The following SLMAP variants were observed in gnomAD, a reference collection of about 807,000 sequenced individuals.
SLMAP encodes the protein sarcolemma associated protein.
In SLMAP, 44 loss-of-function variants were observed where a neutral mutation model predicts 128.8. The observed-to-expected ratio is 0.34, with a 90% CI of 0.27 to 0.44. SLMAP has a LOEUF of 0.44. Among genes scored for constraint, SLMAP ranks in the 20% least tolerant of loss-of-function variants. The pLI, the probability that SLMAP is intolerant of heterozygous loss-of-function variation, is 1.00. For synonymous variants in SLMAP, 327 were observed against 348.8 expected (o/e 0.94, Z 0.70); for missense variants, 787 against 985.3 (o/e 0.80, Z 2.69).
chr3:57,773,587 A>G (rs2081288431), intron 2 of SLMAP, among the ~76,000 whole-genome samples: 2 of 152,212 alleles, frequency 1.3e-5, no homozygotes, highest in Non-Finnish European at 2.9e-5. Context: ...TGGAGTTGCA[A>G]CTGTGGGGAA....
chr3:57,909,942 A>T lies in SLMAP; in HGVS notation c.1699+792A>T, dbSNP rs187286586. Among the ~76,000 whole-genome samples the T allele has an allele frequency of 2.6e-3, 384 of 150,424 alleles. 2 individuals are homozygous for T. Among genetic ancestry groups the T allele is most frequent in the African/African-American group, 8.6e-3 (351 of 40,956 alleles). Reference sequence around the variant, plus strand: ...TTTTTTTTTTTTTAAAGAAAATTCAAGGGAAGATTGTCCAGTACTCTCGTA... The same window carrying T: ...TTTTTTTTTTTTTAAAGAAAATTCATGGGAAGATTGTCCAGTACTCTCGTA... On this transcript the variant is annotated intron_variant, in intron 19 of 24. Coordinates refer to ENST00000671191, the MANE Select transcript of SLMAP (RefSeq NM_001377540.1).
intron 3 of SLMAP, among the ~76,000 whole-genome samples, chr3:57,833,130 G>C (rs972513017): frequency 6.6e-6 from 1 of 152,204 alleles, no homozygotes; most frequent in Non-Finnish European, 1.5e-5. Flanking sequence ...ATTTCCTAAA[G>C]GGAATTATTA....
chr3:57,856,411 T>C (rs556859558), intron 6 of SLMAP, among the ~76,000 whole-genome samples: 1 of 151,956 alleles, frequency 6.6e-6, no homozygotes, highest in South Asian at 2.1e-4. Context: ...ATAAGCTTTT[T>C]ATTATTAAAA....
At chr3:57,769,895 T>G (rs1359769072) in intron 2 of SLMAP, among the ~76,000 whole-genome samples, 2 of 152,196 alleles carry the variant, frequency 1.3e-5, no homozygotes, top group Admixed American at 6.5e-5. Flanking sequence ...GAAGTTGTAG[T>G]GCCAGAGTAT....
intron 2 of SLMAP, among the ~76,000 whole-genome samples, chr3:57,758,692 A>C (rs1203735917): frequency 6.6e-6 from 1 of 152,240 alleles, no homozygotes; most frequent in Non-Finnish European, 1.5e-5. Flanking sequence ...TTTTTATGTT[A>C]GTATCGTAAG....
intron 13 of SLMAP, among the ~76,000 whole-genome samples, chr3:57,869,645 T>TATATATATATATATATATATATATATA (rs2095429701): frequency 7.5e-6 from 1 of 134,204 alleles, no homozygotes; most frequent in African/African-American, 2.8e-5. Flanking sequence ...TATATATATA[T>TATATATATATATATATATATATATATA]ATATATATAT....
intron 19 of SLMAP, among the ~76,000 whole-genome samples, chr3:57,911,324 A>C (rs1446776327): frequency 6.6e-6 from 1 of 152,164 alleles, no homozygotes; most frequent in African/African-American, 2.4e-5. Context: ...CTAATATCTT[A>C]ATGTTTACTT....
At chr3:57,916,786 C>T (rs769767500) in intron 21 of SLMAP, 120 bp from the exon 22 acceptor site, 9 of 726,422 alleles carry the variant, frequency 1.2e-5, no homozygotes, top group African/African-American at 1.8e-5. Context: ...CTTTTTTATA[C>T]TTTTCTTTTT....
intron 15 of SLMAP, among the ~76,000 whole-genome samples, chr3:57,895,587 G>C: frequency 6.6e-6 from 1 of 152,044 alleles, no homozygotes; most frequent in South Asian, 2.1e-4. Context: ...ATCCACCTCA[G>C]CCTCCGAAAG....
At chr3:57,799,021 A>G (rs1334217288) in intron 2 of SLMAP, among the ~76,000 whole-genome samples, 1 of 152,186 alleles carries the variant, frequency 6.6e-6, no homozygotes, top group Admixed American at 6.5e-5. Flanking sequence ...TTAGATCTTC[A>G]GAAGCTCTCC....
chr3:57,794,357 CT>C (rs2086215876), intron 2 of SLMAP, among the ~76,000 whole-genome samples: 1 of 152,156 alleles, frequency 6.6e-6, no homozygotes, highest in Non-Finnish European at 1.5e-5. Context: ...TCCTGAGTCT[CT>C]TTCAAAAGTC....
intron 9 of SLMAP, 55 bp downstream of exon 9, chr3:57,860,894 T>C: frequency 1.4e-6 from 2 of 1,409,222 alleles, no homozygotes; most frequent in South Asian, 2.7e-5. Context: ...CAAAAAAATC[T>C]CAAGCATTCC....
chr3:57,892,345 T>C (rs1192029556), intron 15 of SLMAP, among the ~76,000 whole-genome samples: 2 of 152,166 alleles, frequency 1.3e-5, no homozygotes, highest in South Asian at 2.1e-4. Flanking sequence ...AGAAGATGTA[T>C]CACCTAATGC....
At chr3:57,846,082 C>CAT (rs1366168088) in intron 4 of SLMAP, among the ~76,000 whole-genome samples, 3 of 152,110 alleles carry the variant, frequency 2.0e-5, no homozygotes, top group African/African-American at 7.2e-5. Context: ...CCTCGTGATC[C>CAT]GCCCACCTTG....
chr3:57,863,948 C>T (rs2095210717), intron 10 of SLMAP, among the ~76,000 whole-genome samples: 1 of 152,122 alleles, frequency 6.6e-6, no homozygotes, highest in Admixed American at 6.5e-5. Context: ...TCTTACTTCC[C>T]TCTTTAAAAA....
intron 2 of SLMAP, among the ~76,000 whole-genome samples, chr3:57,789,885 G>A (rs1452382421): frequency 6.6e-6 from 1 of 152,118 alleles, no homozygotes; most frequent in African/African-American, 2.4e-5. Context: ...CGCCCAGGCT[G>A]GAGTGCAATG....
chr3:57,872,158 C>T (rs1017863251), intron 14 of SLMAP, among the ~76,000 whole-genome samples: 6 of 152,122 alleles, frequency 3.9e-5, no homozygotes, highest in Non-Finnish European at 8.8e-5. Context: ...TTAAAGAGGC[C>T]AGGCGTGGTG....
intron 2 of SLMAP, among the ~76,000 whole-genome samples, chr3:57,807,094 A>G (rs2090038482): frequency 6.6e-6 from 1 of 152,034 alleles, no homozygotes; most frequent in Non-Finnish European, 1.5e-5. Context: ...TGTGGTTTTG[A>G]TTTGCATTTC....
At chr3:57,903,890 A>G (rs1363507189) in intron 17 of SLMAP, among the ~76,000 whole-genome samples, 1 of 152,226 alleles carries the variant, frequency 6.6e-6, no homozygotes, top group East Asian at 1.9e-4. Context: ...CCCCAAGGTT[A>G]TGAAGCAGAT....
Sources: allele counts gnomAD v4.1 joint callset (sites outside exome capture counted in the v4.1 genomes callset), GRCh38; gene constraint gnomAD v4.1.1; transcripts MANE v1.5; gene names NCBI Gene and HGNC (gene_info 2026-07-23, HGNC 2026-07-21).